RHBDD3: variants seen among roughly 807,000 people sequenced by gnomAD.
RHBDD3 encodes the protein rhomboid domain-containing protein 3.
RHBDD3 carries 34 observed loss-of-function variants against 32.3 expected under a neutral mutation model. That is an observed-to-expected ratio of 1.05 (90% CI 0.80 to 1.40). The LOEUF is 1.40. RHBDD3 is among the 40% of genes most tolerant of loss of function. RHBDD3 has a pLI of 0.00. For synonymous variants in RHBDD3, 249 were observed against 239.1 expected, an observed-to-expected ratio of 1.04 and a Z score of -0.38; for missense variants, 482 against 492.6, an observed-to-expected ratio of 0.98 and a Z score of 0.20.
chr22:29,259,993 G>A lies in RHBDD3; in HGVS notation c.*67C>T, dbSNP rs547853294. 13 of 1,490,840 alleles carry A rather than the reference G, an allele frequency of 8.7e-6. No individual in the cohort carries two copies. Among genetic ancestry groups the A allele is most frequent in the East Asian group, 4.9e-5 (2 of 40,564 alleles). 92.4% of individuals were successfully genotyped at this position (1,490,840 alleles called of 1,614,324 possible). Reference sequence around the variant, plus strand: ...CCCTCTTTAGACAGAGTAGGAGCTCGGGCTACCCACATGCAGCCCAGCCCT... The same window carrying A: ...CCCTCTTTAGACAGAGTAGGAGCTCAGGCTACCCACATGCAGCCCAGCCCT... On this transcript the variant is annotated 3_prime_UTR_variant, in exon 7 of 7. Coordinates refer to ENST00000216085, the MANE Select transcript of RHBDD3 (RefSeq NM_012265.3).
At position 29,260,609 on chromosome 22, in the gene RHBDD3, G is replaced by A. The variant is rs764693413; in HGVS notation, c.700C>T (p.Pro234Ser). 1 of 1,587,372 alleles carries A rather than the reference G, an allele frequency of 6.3e-7. No homozygotes were observed. Among genetic ancestry groups the A allele is most frequent in the Non-Finnish European group, 8.6e-7 (1 of 1,165,856 alleles). Residue 234 changes from proline (P) to serine (S), a missense_variant, in exon 6 of 7, where the codon CCC (proline) becomes TCC (serine). Coordinates refer to ENST00000216085, the MANE Select transcript of RHBDD3 (RefSeq NM_012265.3). ...GCCACATAAGGCGGTCCAGGGATGGGAGGCCTGGAGGAGTGGGAAGAGAAG... is the reference window on the plus strand; with the variant it reads ...GCCACATAAGGCGGTCCAGGGATGGAAGGCCTGGAGGAGTGGGAAGAGAAG... ...PVTHPAGVRPPIPGPPYVASP... is the reference protein window; with the variant it reads ...PVTHPAGVRPSIPGPPYVASP...
chr22:29,263,343 T>G (rs1262114639), intron 4 of RHBDD3, among the ~76,000 whole-genome samples: 1 of 152,148 alleles, frequency 6.6e-6, no homozygotes, highest in Admixed American at 6.5e-5. Flanking sequence ...GCGCCTGGCC[T>G]AATTTTTTTA....
At chr22:29,266,070 A>G (rs755053443) in intron 2 of RHBDD3, among the ~76,000 whole-genome samples, 18 of 152,028 alleles carry the variant, frequency 1.2e-4, no homozygotes, top group Admixed American at 2.6e-4. Context: ...AGATGGTTTC[A>G]GTTGCCCTTG....
intron 6 of RHBDD3, 34 bp downstream of exon 6, chr22:29,260,292 C>A: frequency 6.2e-7 from 1 of 1,606,488 alleles, no homozygotes; most frequent in Non-Finnish European, 8.5e-7. Flanking sequence ...GGCCCCTATA[C>A]CAGGGGACCC....
intron 4 of RHBDD3, 64 bp from the exon 5 acceptor site, chr22:29,260,928 C>T (rs2058109684): frequency 6.9e-7 from 1 of 1,449,884 alleles, no homozygotes; most frequent in African/African-American, 1.4e-5. Context: ...TGGGCCCACG[C>T]CACAGGCCAG....
Position 29,263,936 on chromosome 22 carries a change from G to A in RHBDD3, c.431C>T (p.Pro144Leu), listed in dbSNP as rs1485409817. Residue 144 changes from proline to leucine, a missense_variant, in exon 4 of 7, where the codon CCA becomes CTA. By Grantham distance (98) the Pro-to-Leu change is moderately conservative. Coordinates refer to ENST00000216085, the MANE Select transcript of RHBDD3 (RefSeq NM_012265.3). ...HRPRRPRGAL[P>L]PWLSPWLLLA... ...CAGCAGCCACGGCGACAGCCACGGTGGCAGTGCCCCACGGGGCCGTCTAGG... is the reference window on the plus strand; with the variant it reads ...CAGCAGCCACGGCGACAGCCACGGTAGCAGTGCCCCACGGGGCCGTCTAGG... 1 of 1,550,246 alleles carries A rather than the reference G, an allele frequency of 6.5e-7. No homozygotes were observed. Among genetic ancestry groups the A allele is most frequent in the Non-Finnish European group, 8.7e-7 (1 of 1,147,102 alleles).
At position 29,260,589 on chromosome 22, in the gene RHBDD3, A is replaced by G; in HGVS notation, c.720T>C (p.Tyr240=). ...GGGACCAGAGGTCAGGGGAGGCCAC[A>G]TAAGGCGGTCCAGGGATGGGAGGCC... ...GVRPPIPGPP[Y]VASPDLWSHW... Residue 240 remains tyrosine, a synonymous_variant, in exon 6 of 7, where the codon TAT becomes TAC. Coordinates refer to ENST00000216085, the MANE Select transcript of RHBDD3 (RefSeq NM_012265.3). 2 of 1,598,216 alleles carry G rather than the reference A, an allele frequency of 1.3e-6. No homozygotes were observed. Among genetic ancestry groups the G allele is most frequent in the Middle Eastern group, 1.7e-4 (1 of 5,984 alleles).
In RHBDD3 at chr22:29,267,876, C is replaced by G; in HGVS notation, c.-323G>C. ...GCACACCCGGCCGCGTGACCCCTGC[C>G]GACCGGCTGGCGCGCCACCCATTCC... On this transcript the variant is annotated 5_prime_UTR_variant, in exon 1 of 7. Coordinates refer to ENST00000216085, the MANE Select transcript of RHBDD3 (RefSeq NM_012265.3). 1 of 231,292 alleles carries G rather than the reference C, an allele frequency of 4.3e-6. No homozygotes were observed. The highest frequency in any genetic ancestry group is 6.6e-5 in the East Asian group (1 of 15,252). The allele number at this position is 231,292 out of a possible 1,614,324, so 14.3% of individuals were successfully genotyped here. A position where few individuals can be genotyped will look rare whatever the true frequency, so the allele number is the denominator to read the frequency against.
chr22:29,259,886 G>A lies in RHBDD3; in HGVS notation c.*174C>T. On this transcript the variant is annotated 3_prime_UTR_variant, in exon 7 of 7. Coordinates refer to ENST00000216085, the MANE Select transcript of RHBDD3 (RefSeq NM_012265.3). Reference sequence around the variant, plus strand: ...GGAGGTCCAGGTTGAAAAACAAACTGGTTTTTATTCTAAACACGTACTAGG... The same window carrying A: ...GGAGGTCCAGGTTGAAAAACAAACTAGTTTTTATTCTAAACACGTACTAGG... 4.7e-6 allele frequency: 3 copies of A among 638,226 alleles called. No individual in the cohort carries two copies. The highest frequency in any genetic ancestry group is 7.9e-6 in the Non-Finnish European group (3 of 377,506). 39.5% of individuals were successfully genotyped at this position (638,226 alleles called of 1,614,324 possible). A position where few individuals can be genotyped will look rare whatever the true frequency, so the allele number is the denominator to read the frequency against.
intron 4 of RHBDD3, chr22:29,261,074 A>T (rs553887903): frequency 4.8e-6 from 3 of 621,142 alleles, no homozygotes; most frequent in Non-Finnish European, 8.4e-6. Context: ...AGCCAAACAG[A>T]GCCAGGTATG....
rs1481524675 is a variant in RHBDD3, at chr22:29,260,025, C to T, written c.*35G>A. 6.5e-7 allele frequency: 1 copy of T among 1,545,710 alleles called. No individual in the cohort carries two copies. Among genetic ancestry groups the T allele is most frequent in the Admixed American group, 2.0e-5 (1 of 50,960 alleles). Reference sequence around the variant, plus strand: ...CCACATGCAGCCCAGCCCTTAGCACCCAAGGGCCTGCCTGTGCCCCACTCT... The same window carrying T: ...CCACATGCAGCCCAGCCCTTAGCACTCAAGGGCCTGCCTGTGCCCCACTCT... On this transcript the variant is annotated 3_prime_UTR_variant, in exon 7 of 7. Transcript: ENST00000216085.
chr22:29,265,478 C>T lies in RHBDD3; in HGVS notation c.148+1G>A. ...CCAAGGTCCACGTGGCTGGCCCTCA[C>T]CCTGCCAGGGGTCCAGCAACAGCTC... On this transcript the variant is annotated splice_donor_variant, in intron 3 of 6. Transcript: ENST00000216085. LOFTEE classifies it high-confidence loss of function. 6.5e-7 allele frequency: 1 copy of T among 1,527,042 alleles called. No homozygotes were observed. The highest frequency in any genetic ancestry group is 8.7e-7 in the Non-Finnish European group (1 of 1,144,572). The allele number at this position is 1,527,042 out of a possible 1,614,324, so 94.6% of individuals were successfully genotyped here.
intron 4 of RHBDD3, 123 bp from the exon 5 acceptor site, chr22:29,260,987 T>C (rs2058110625): frequency 1.1e-6 from 1 of 951,596 alleles, no homozygotes; most frequent in Non-Finnish European, 1.5e-6. Flanking sequence ...CTCCTCACTG[T>C]GGACCAGCAT....
At chr22:29,263,458 G>T (rs747254933) in intron 4 of RHBDD3, among the ~76,000 whole-genome samples, 1 of 152,240 alleles carries the variant, frequency 6.6e-6, no homozygotes, top group East Asian at 1.9e-4. Flanking sequence ...GGTTACAGGC[G>T]TGAGCCACTG....
intron 4 of RHBDD3, 135 bp downstream of exon 4, chr22:29,263,700 G>A: frequency 7.1e-7 from 1 of 1,399,560 alleles, no homozygotes; most frequent in Non-Finnish European, 9.3e-7. Context: ...GGAAGACTCA[G>A]AGAAGCTCCT....
intron 4 of RHBDD3, among the ~76,000 whole-genome samples, chr22:29,261,651 A>T (rs1244741165): frequency 6.6e-6 from 1 of 152,084 alleles, no homozygotes; most frequent in Non-Finnish European, 1.5e-5. Flanking sequence ...CTCTAGCACG[A>T]CTTATTTATT....
intron 4 of RHBDD3, 76 bp from the exon 5 acceptor site, chr22:29,260,940 C>T: frequency 7.2e-7 from 1 of 1,388,798 alleles, no homozygotes; most frequent in Non-Finnish European, 9.5e-7. Flanking sequence ...ACAGGCCAGG[C>T]CCCATGCCAA....
At position 29,265,590 on chromosome 22, in the gene RHBDD3, C is replaced by T. The variant is rs1346679568; in HGVS notation, c.37G>A (p.Ala13Thr). Residue 13 changes from alanine (A) to threonine (T), a missense_variant, in exon 3 of 7, where the codon GCA becomes ACA. Ala to Thr is a moderately conservative substitution (Grantham distance 58, BLOSUM62 0). Transcript: ENST00000216085. ...AGGACTGAGGAGGCCAGAGGCAGTG[C>T]TGGGGACAGTTGGCCATGGGGGCCC... ...ARGPHGQLSP[A>T]LPLASSVLML... The T allele has an allele frequency of 2.5e-6, 4 of 1,592,572 alleles. No homozygotes were observed. In the East Asian group the frequency reaches 9.4e-5, roughly 37 times the overall value.
At chr22:29,266,251 T>G (rs977998323) in intron 2 of RHBDD3, among the ~76,000 whole-genome samples, 4 of 152,206 alleles carry the variant, frequency 2.6e-5, no homozygotes, top group Admixed American at 2.0e-4. Flanking sequence ...GCACAGCCCC[T>G]CTGGCCCTGG....
Sources: allele counts gnomAD v4.1 joint callset (sites outside exome capture counted in the v4.1 genomes callset), GRCh38; gene constraint gnomAD v4.1.1; transcripts MANE v1.5; gene names NCBI Gene and HGNC (gene_info 2026-07-23, HGNC 2026-07-21).